The following RASGRF2 variants were observed in gnomAD, a reference collection of about 807,000 sequenced individuals.
RASGRF2 encodes the protein Ras protein specific guanine nucleotide releasing factor 2, also known as ras-specific guanine nucleotide-releasing factor 2.
In RASGRF2, 76 loss-of-function variants were observed where a neutral mutation model predicts 151.0. The ratio of observed to expected loss-of-function variants is 0.50; its 90% CI spans 0.42 to 0.61. RASGRF2 has a LOEUF of 0.61. Ranked by LOEUF, RASGRF2 falls within the 20% of genes least tolerant of loss-of-function variation. The pLI, the probability that RASGRF2 is intolerant of heterozygous loss-of-function variation, is 0.00. For synonymous variants in RASGRF2, 504 were observed against 566.5 expected (o/e 0.89, Z 1.57); for missense variants, 1,148 against 1,564.6 (o/e 0.73, Z 4.49).
At chr5:81,040,787 C>T (rs1396380686) in intron 1 of RASGRF2, among the ~76,000 whole-genome samples, 1 of 152,198 alleles carries the variant, frequency 6.6e-6, no homozygotes, top group African/African-American at 2.4e-5. Context: ...GGGATTTTCC[C>T]TCAGCTTGGT....
At chr5:81,054,726 A>G (rs1751138382) in intron 2 of RASGRF2, among the ~76,000 whole-genome samples, 3 of 126,700 alleles carry the variant, frequency 2.4e-5, no homozygotes, top group Non-Finnish European at 4.9e-5. Context: ...CAGTATGGCC[A>G]TTTTCATGAT....
intron 1 of RASGRF2, among the ~76,000 whole-genome samples, chr5:80,969,794 A>T: frequency 7.3e-6 from 1 of 137,726 alleles, no homozygotes; most frequent in South Asian, 2.5e-4. Context: ...TCCTACACAG[A>T]TGCCAATAAT....
At chr5:81,114,263 T>A (rs190585459) in intron 15 of RASGRF2, among the ~76,000 whole-genome samples, 104 of 152,352 alleles carry the variant, frequency 6.8e-4, no homozygotes, top group Non-Finnish European at 1.1e-3. Flanking sequence ...CTTTGCACAC[T>A]GGGAGGTTGT....
rs954107064 is a variant in RASGRF2 at position 80,960,481 on chromosome 5, C to T, written c.-258C>T. 1.3e-4 allele frequency among the ~76,000 whole-genome samples: 19 copies of T among 146,242 alleles called. No homozygotes were observed. The highest frequency in any genetic ancestry group is 4.2e-4 in the African/African-American group (17 of 40,608). On this transcript the variant is annotated 5_prime_UTR_variant, in exon 1 of 27. Transcript: ENST00000265080. This position sits in a 1 kb window ranked among gnomAD's most constrained non-coding sequence, Gnocchi z 5.5. ...CCGCGCTCCACGCGGGCGTTGGGGG[C>T]TTGGGGGGCTCCGGGGGCTCGGCCG...
intron 18 of RASGRF2, among the ~76,000 whole-genome samples, chr5:81,183,782 C>T (rs1754968021): frequency 6.6e-6 from 1 of 152,304 alleles, no homozygotes; most frequent in Middle Eastern, 3.4e-3. Flanking sequence ...GGTCTCTCCA[C>T]CTCTTCGGGT....
chr5:81,225,636 G>T, intron 26 of RASGRF2, 42 bp from the exon 27 acceptor site: 4 of 1,605,648 alleles, frequency 2.5e-6, no homozygotes, highest in Non-Finnish European at 3.4e-6. Context: ...ACGCACTGGT[G>T]TCTGAAAGAG....
At chr5:81,123,570 C>T in intron 15 of RASGRF2, 72 bp from the exon 16 acceptor site, 1 of 1,524,086 alleles carries the variant, frequency 6.6e-7, no homozygotes, top group Non-Finnish European at 8.9e-7. Context: ...ACTTTTGTTT[C>T]CATGCATGAT....
At chr5:81,145,818 T>C (rs193786) in intron 17 of RASGRF2, among the ~76,000 whole-genome samples, 96,393 of 152,098 alleles carry the variant, frequency 0.63, 30,823 homozygotes, top group East Asian at 0.81. Context: ...AATTCTTGTC[T>C]TAAACAAACT....
intron 1 of RASGRF2, among the ~76,000 whole-genome samples, chr5:80,970,261 G>C (rs1038680602): frequency 1.3e-5 from 2 of 152,182 alleles, no homozygotes; most frequent in African/African-American, 2.4e-5. Flanking sequence ...GTGTGTAGTT[G>C]GCTTTTTCTA....
At chr5:81,193,772 C>T (rs1280084098) in intron 18 of RASGRF2, among the ~76,000 whole-genome samples, 1 of 152,204 alleles carries the variant, frequency 6.6e-6, no homozygotes, top group African/African-American at 2.4e-5. Flanking sequence ...CCCGCCTCAG[C>T]CTCCCGTAGT....
intron 1 of RASGRF2, among the ~76,000 whole-genome samples, chr5:81,028,136 A>G (rs1246117621): frequency 1.3e-5 from 2 of 151,940 alleles, no homozygotes; most frequent in Non-Finnish European, 2.9e-5. Flanking sequence ...AAATCTTCCC[A>G]CTCTAGACGA....
intron 15 of RASGRF2, among the ~76,000 whole-genome samples, chr5:81,123,272 C>T (rs1374054284): frequency 2.0e-5 from 3 of 152,040 alleles, no homozygotes; most frequent in Admixed American, 6.5e-5. Context: ...GGTGAAGTTC[C>T]GATTTGTAAT....
intron 12 of RASGRF2, among the ~76,000 whole-genome samples, chr5:81,098,496 AG>A (rs2112513190): frequency 6.6e-6 from 1 of 152,286 alleles, no homozygotes; most frequent in African/African-American, 2.4e-5. Context: ...GGGTCAAGTC[AG>A]GGAGAATAGT....
intron 1 of RASGRF2, among the ~76,000 whole-genome samples, chr5:80,999,310 A>C (rs1215270589): frequency 1.3e-5 from 2 of 151,898 alleles, no homozygotes; most frequent in Non-Finnish European, 2.9e-5. Flanking sequence ...CCCCAGAGCC[A>C]CCTCTCTCCT....
At chr5:80,971,863 A>T (rs1747947508) in intron 1 of RASGRF2, among the ~76,000 whole-genome samples, 1 of 147,264 alleles carries the variant, frequency 6.8e-6, no homozygotes, top group Admixed American at 6.7e-5. Flanking sequence ...GAGCCACCGC[A>T]CTCCACCCCA....
intron 17 of RASGRF2, among the ~76,000 whole-genome samples, chr5:81,148,200 C>T (rs1754049147): frequency 6.6e-6 from 1 of 152,204 alleles, no homozygotes; most frequent in Non-Finnish European, 1.5e-5. Flanking sequence ...GACTTACTTA[C>T]TCAAGGGCAG....
intron 1 of RASGRF2, among the ~76,000 whole-genome samples, chr5:81,035,214 A>T (rs1750439839): frequency 1.3e-5 from 2 of 152,182 alleles, no homozygotes; most frequent in Non-Finnish European, 2.9e-5. Flanking sequence ...AACCAACCCA[A>T]ATGTCCATCA....
chr5:81,057,707 C>G (rs1355678215), intron 2 of RASGRF2, among the ~76,000 whole-genome samples: 1 of 152,044 alleles, frequency 6.6e-6, no homozygotes, highest in East Asian at 1.9e-4. Flanking sequence ...TAAAAAACCT[C>G]TCTTCAGCAG....
chr5:81,151,626 G>C (rs994331273), intron 17 of RASGRF2, among the ~76,000 whole-genome samples: 2 of 152,122 alleles, frequency 1.3e-5, no homozygotes, highest in African/African-American at 4.8e-5. Context: ...ATACTTCCCT[G>C]TTGCTTTATT....
Sources: allele counts gnomAD v4.1 joint callset (sites outside exome capture counted in the v4.1 genomes callset), GRCh38; gene constraint gnomAD v4.1.1; non-coding constraint Gnocchi (gnomAD v3.1); transcripts MANE v1.5; gene names NCBI Gene and HGNC (gene_info 2026-07-23, HGNC 2026-07-21).